The following TYW1B variants were observed in gnomAD, a reference collection of about 807,000 sequenced individuals.
TYW1B encodes the protein S-adenosyl-L-methionine-dependent tRNA 4-demethylwyosine synthase TYW1B.
Under a neutral mutation model 86.9 loss-of-function variants are expected in TYW1B, and 73 were observed. The ratio of observed to expected loss-of-function variants is 0.84; its 90% CI spans 0.70 to 1.02. The LOEUF is 1.02. Among genes scored for constraint, TYW1B ranks in the 50% least tolerant of loss-of-function variants. The pLI is 0.00. For missense variants in TYW1B, 637 were observed against 827.4 expected, an observed-to-expected ratio of 0.77 and a Z score of 2.82; for synonymous variants, 248 against 292.8, an observed-to-expected ratio of 0.85 and a Z score of 1.56.
intron 13 of TYW1B, among the ~76,000 whole-genome samples, chr7:72,607,450 GAAC>G (rs1811829564): frequency 7.0e-6 from 1 of 143,686 alleles, no homozygotes; most frequent in Admixed American, 7.0e-5. Flanking sequence ...AGAAGAACAA[GAAC>G]AAGAAGAAAG....
At chr7:72,790,105 G>A (rs1466526311) in intron 6 of TYW1B, among the ~76,000 whole-genome samples, 6 of 151,528 alleles carry the variant, frequency 4.0e-5, no homozygotes, top group South Asian at 4.2e-4. Context: ...GCACCACCAC[G>A]CCTGGCTAAT....
chr7:72,603,277 C>T lies in TYW1B; in HGVS notation c.1785+13395G>A, dbSNP rs549960585. Among the ~76,000 whole-genome samples, 25 of 140,528 alleles carry T rather than the reference C, an allele frequency of 1.8e-4. No homozygotes were observed. In the South Asian group the frequency reaches 3.7e-3, roughly 21 times the overall value. The allele number at this position is 140,528 out of a possible 152,430, so 92.2% of individuals were successfully genotyped here. A position where few individuals can be genotyped will look rare whatever the true frequency, so the allele number is the denominator to read the frequency against. ...ATGGATGGATGGATGGACAGACAGA[C>T]GACAGACAAACAGATGACAGATGAT... On this transcript the variant is annotated intron_variant, in intron 13 of 13. Coordinates refer to ENST00000620995, the MANE Select transcript of TYW1B (RefSeq NM_001145440.3).
intron 13 of TYW1B, among the ~76,000 whole-genome samples, chr7:72,586,739 A>AAATAATAAT (rs375819364): frequency 4.6e-4 from 68 of 148,652 alleles, no homozygotes; most frequent in South Asian, 3.7e-3. Flanking sequence ...GCCCATCTCA[A>AAATAATAAT]AATAATAATA....
At chr7:72,759,276 A>C (rs537690185) in intron 7 of TYW1B, among the ~76,000 whole-genome samples, 1 of 152,138 alleles carries the variant, frequency 6.6e-6, no homozygotes, top group African/African-American at 2.4e-5. Flanking sequence ...TGGAGGCTGC[A>C]GTGAGGTGAG....
intron 13 of TYW1B, among the ~76,000 whole-genome samples, chr7:72,583,913 CAAATTGGAGGGTGTT>C (rs577485316): frequency 9.8e-4 from 150 of 152,330 alleles, no homozygotes; most frequent in African/African-American, 3.5e-3. Context: ...GGCCAAGATT[CAAATTGGAGGGTGTT>C]AAAGAGACCG....
intron 6 of TYW1B, among the ~76,000 whole-genome samples, chr7:72,796,166 C>G (rs1289154669): frequency 5.0e-5 from 2 of 39,784 alleles, no homozygotes; most frequent in Non-Finnish European, 1.2e-4. Context: ...TTTTCTAATT[C>G]TCTCATGCCT....
intron 7 of TYW1B, among the ~76,000 whole-genome samples, chr7:72,751,108 G>A (rs1480680189): frequency 1.3e-5 from 2 of 151,250 alleles, no homozygotes; most frequent in Admixed American, 1.3e-4. Context: ...TATGATCTTG[G>A]CTCACTGCAA....
chr7:72,752,657 G>A (rs1331218661), intron 7 of TYW1B, among the ~76,000 whole-genome samples: 4 of 152,096 alleles, frequency 2.6e-5, no homozygotes, highest in Admixed American at 2.6e-4. Flanking sequence ...CTTGAACCTA[G>A]GAGACAAAGG....
At chr7:72,625,975 G>A (rs560015438) in intron 12 of TYW1B, among the ~76,000 whole-genome samples, 4,871 of 136,810 alleles carry the variant, frequency 0.036, 41 homozygotes, top group African/African-American at 0.092. Flanking sequence ...AGGTTTTACT[G>A]CAACATAATT....
At chr7:72,693,523 C>G (rs1554450821) in intron 11 of TYW1B, among the ~76,000 whole-genome samples, 1 of 151,628 alleles carries the variant, frequency 6.6e-6, no homozygotes, top group Non-Finnish European at 1.5e-5. Flanking sequence ...ATTCTCCCAC[C>G]TTAGCCTCCT....
At chr7:72,787,541 G>A (rs1788149808) in intron 6 of TYW1B, among the ~76,000 whole-genome samples, 1 of 151,414 alleles carries the variant, frequency 6.6e-6, no homozygotes, top group Non-Finnish European at 1.5e-5. Flanking sequence ...TGGATCACAA[G>A]GTCAGTGGAT....
At chr7:72,777,372 C>T (rs1245377990) in intron 7 of TYW1B, 44 bp downstream of exon 7, 48 of 1,607,560 alleles carry the variant, frequency 3.0e-5, no homozygotes, top group Non-Finnish European at 4.0e-5. Context: ...AATGAGAATG[C>T]CTAAGACTAT....
At chr7:72,711,220 G>A (rs1274771252) in intron 10 of TYW1B, among the ~76,000 whole-genome samples, 2 of 152,066 alleles carry the variant, frequency 1.3e-5, no homozygotes, top group African/African-American at 2.4e-5. Flanking sequence ...AAGCAGACTC[G>A]GGGCTATGCC....
chr7:72,586,114 G>T (rs1364523598), intron 13 of TYW1B, among the ~76,000 whole-genome samples: 1 of 152,180 alleles, frequency 6.6e-6, no homozygotes, highest in Non-Finnish European at 1.5e-5. Context: ...ATAGCAGGAG[G>T]ACACACATTA....
chr7:72,705,223 C>T lies in TYW1B; in HGVS notation c.1370+8398G>A, dbSNP rs576709261. Among the ~76,000 whole-genome samples, 149 of 152,310 alleles carry T rather than the reference C, an allele frequency of 9.8e-4. 1 individual carries two copies. Among genetic ancestry groups the T allele is most frequent in the Non-Finnish European group, 1.6e-3 (112 of 68,036 alleles). On this transcript the variant is annotated intron_variant, in intron 10 of 13. Coordinates refer to ENST00000620995, the MANE Select transcript of TYW1B (RefSeq NM_001145440.3). ...AAAACTGCATGTTTATTAAACTTCA[C>T]TCATCTCTTCAAACATATACTATGC...
chr7:72,788,368 C>T (rs1788164135), intron 6 of TYW1B, among the ~76,000 whole-genome samples: 2 of 152,136 alleles, frequency 1.3e-5, no homozygotes, highest in African/African-American at 4.8e-5. Flanking sequence ...CATGGAAGTA[C>T]AAGTTGAGTA....
intron 10 of TYW1B, among the ~76,000 whole-genome samples, chr7:72,710,064 C>T (rs1228901424): frequency 2.0e-5 from 3 of 152,120 alleles, no homozygotes; most frequent in East Asian, 1.9e-4. Context: ...TTTTGCTGGA[C>T]GTTTTCGGGT....
intron 6 of TYW1B, among the ~76,000 whole-genome samples, chr7:72,793,035 A>T (rs368113577): frequency 6.6e-6 from 1 of 152,190 alleles, no homozygotes; most frequent in Non-Finnish European, 1.5e-5. Context: ...AACACATGTC[A>T]ACAGGGTTTT....
At chr7:72,802,365 G>A in intron 6 of TYW1B, 35 bp downstream of exon 6, 3 of 1,612,868 alleles carry the variant, frequency 1.9e-6, no homozygotes, top group Non-Finnish European at 2.5e-6. Context: ...ACCAACTGCG[G>A]GAGCCAAGTG....
Sources: gnomAD v4.1 joint callset for allele counts (sites outside exome capture counted in the v4.1 genomes callset) on GRCh38, gnomAD v4.1.1 for gene constraint, MANE v1.5 for transcripts, NCBI Gene and HGNC (gene_info 2026-07-23, HGNC 2026-07-21) for gene names.